Variants in PKN2 observed in about 807,000 individuals in gnomAD.
The protein encoded by PKN2 is protein kinase N2.
In PKN2, 38 loss-of-function variants were observed where a neutral mutation model predicts 119.1. That is an observed-to-expected ratio of 0.32 (90% confidence interval 0.25 to 0.42). The LOEUF (loss-of-function observed/expected upper bound fraction) is 0.42. Among genes scored for constraint, PKN2 ranks in the 10% least tolerant of loss-of-function variants. The pLI is 1.00. For synonymous variants in PKN2, 390 were observed against 384.9 expected (o/e 1.01, Z -0.15); for missense variants, 850 against 1,165.1 (o/e 0.73, Z 3.94).
In PKN2 at chr1:88,833,411, T is replaced by C. The variant is rs1433113248; in HGVS notation, c.2918T>C (p.Met973Thr). 5 of 1,613,268 alleles carry C rather than the reference T, an allele frequency of 3.1e-6. No homozygotes were observed. Among genetic ancestry groups the C allele is most frequent in the Middle Eastern group, 3.3e-4 (2 of 6,060 alleles). Reference sequence around the variant, plus strand: ...ATACTTTCGGAAGAGGAGCAGGAAATGTTCAGAGATTTTGACTACATTGCT... The same window carrying C: ...ATACTTTCGGAAGAGGAGCAGGAAACGTTCAGAGATTTTGACTACATTGCT... The part of the protein sequence containing the change: ...PRILSEEEQE[M>T]FRDFDYIADW... Residue 973 changes from methionine (M) to threonine (T), a missense_variant, in exon 22 of 22, where the codon ATG (methionine) becomes ACG (threonine). Physicochemically the swap from Met to Thr is moderately conservative, Grantham distance 81. Coordinates refer to ENST00000370521, the MANE Select transcript of PKN2 (RefSeq NM_006256.4).
At chr1:88,793,490 A>G (rs1177787046) in intron 8 of PKN2, among the ~76,000 whole-genome samples, 1 of 152,076 alleles carries the variant, frequency 6.6e-6, no homozygotes, top group African/African-American at 2.4e-5. Context: ...AGAATTGCCT[A>G]CTTTTTTTTC....
intron 2 of PKN2, among the ~76,000 whole-genome samples, chr1:88,757,201 G>T (rs1012892699): frequency 2.6e-5 from 4 of 152,148 alleles, no homozygotes; most frequent in African/African-American, 9.7e-5. Context: ...GATATGTAAA[G>T]TATGGATAAT....
chr1:88,684,407 T>C lies in PKN2; in HGVS notation c.-174T>C. On this transcript the variant is annotated 5_prime_UTR_variant, in exon 1 of 22. The change abolishes an upstream ATG in the 5' untranslated region. Transcript: ENST00000370521. ...TGCCCTAGCTCCCCGCCGCTCTCGA[T>C]GAACCGGACGGAATAAGCCGCGCCT... The C allele has an allele frequency of 1.8e-6, 1 of 552,912 alleles. No individual in the cohort carries two copies. Among genetic ancestry groups the C allele is most frequent in the South Asian group, 2.3e-5 (1 of 43,302 alleles). 34.3% of individuals were successfully genotyped at this position (552,912 alleles called of 1,614,324 possible). A position where few individuals can be genotyped will look rare whatever the true frequency, so the allele number is the denominator to read the frequency against.
rs1672819487 is a variant in PKN2 at position 88,833,567 on chromosome 1, T to C, written c.*119T>C. The C allele has an allele frequency of 1.4e-6, 1 of 707,258 alleles. No homozygotes were observed. The highest frequency in any genetic ancestry group is 1.8e-5 in the African/African-American group (1 of 56,230). The allele number at this position is 707,258 out of a possible 1,614,324, so 43.8% of individuals were successfully genotyped here. On this transcript the variant is annotated 3_prime_UTR_variant, in exon 22 of 22. Transcript: ENST00000370521. ...AGTTTTTTGTTGTTGTTGTTTTTAT[T>C]GAAACACGTGAAGATTTGTTTAAAA... is the stretch of plus-strand genomic sequence containing the variant.
intron 3 of PKN2, among the ~76,000 whole-genome samples, chr1:88,763,216 A>G (rs191573476): frequency 1.5e-4 from 23 of 152,368 alleles, no homozygotes; most frequent in African/African-American, 5.5e-4. Flanking sequence ...CACAGAATTA[A>G]GCAGTTGTGA....
chr1:88,713,990 T>A (rs1402811598), intron 1 of PKN2, among the ~76,000 whole-genome samples: 1 of 152,230 alleles, frequency 6.6e-6, no homozygotes, highest in East Asian at 1.9e-4. Flanking sequence ...AGTTTCAGCT[T>A]TCTACATATG....
intron 6 of PKN2, among the ~76,000 whole-genome samples, chr1:88,779,438 A>G (rs1043406483): frequency 2.6e-5 from 4 of 151,522 alleles, no homozygotes; most frequent in African/African-American, 4.9e-5. Context: ...CAATTTCACA[A>G]GGCCAGATTT....
At chr1:88,726,623 G>C (rs1667909247) in intron 1 of PKN2, among the ~76,000 whole-genome samples, 1 of 152,104 alleles carries the variant, frequency 6.6e-6, no homozygotes, top group Non-Finnish European at 1.5e-5. Flanking sequence ...AGAGAAATTA[G>C]TTTTTGTGTG....
intron 2 of PKN2, among the ~76,000 whole-genome samples, chr1:88,744,115 G>A (rs934121574): frequency 5.3e-5 from 8 of 151,878 alleles, no homozygotes; most frequent in African/African-American, 1.9e-4. Flanking sequence ...ACAACATAGA[G>A]GATTAAAATT....
At chr1:88,827,781 A>G (rs886186379) in intron 18 of PKN2, among the ~76,000 whole-genome samples, 2 of 151,790 alleles carry the variant, frequency 1.3e-5, no homozygotes, top group African/African-American at 2.4e-5. Flanking sequence ...GTGCAATGAC[A>G]CAATCTCAGC....
intron 6 of PKN2, among the ~76,000 whole-genome samples, 156 bp from the exon 7 acceptor site, chr1:88,784,483 A>C (rs1557609162): frequency 2.0e-5 from 3 of 152,082 alleles, no homozygotes. Context: ...CTCTAATTAA[A>C]ATAGGAAAGA....
chr1:88,786,480 T>C (rs1037081974), intron 8 of PKN2, among the ~76,000 whole-genome samples: 6 of 152,352 alleles, frequency 3.9e-5, no homozygotes, highest in African/African-American at 1.2e-4. Context: ...AGGTGTAATA[T>C]TGAAGCATAT....
At chr1:88,832,989 A>G in intron 20 of PKN2, 88 bp from the exon 21 acceptor site, 2 of 1,337,850 alleles carry the variant, frequency 1.5e-6, no homozygotes, top group Non-Finnish European at 2.1e-6. Context: ...AAGACAAAAT[A>G]TATCTAAGTT....
At chr1:88,779,239 C>CG (rs1435431401) in intron 6 of PKN2, among the ~76,000 whole-genome samples, 2 of 152,118 alleles carry the variant, frequency 1.3e-5, no homozygotes, top group Non-Finnish European at 2.9e-5. Context: ...CAGAGCTCTC[C>CG]GGAGTGTCCC....
chr1:88,688,275 C>T (rs535661201), intron 1 of PKN2, among the ~76,000 whole-genome samples: 47 of 152,002 alleles, frequency 3.1e-4, no homozygotes, highest in South Asian at 2.1e-4. Context: ...TTAGTAGAGA[C>T]GGGGTTTCAT....
intron 1 of PKN2, among the ~76,000 whole-genome samples, chr1:88,734,152 C>A (rs1240361433): frequency 6.8e-6 from 1 of 148,116 alleles, no homozygotes; most frequent in Non-Finnish European, 1.5e-5. Flanking sequence ...GAGTGAGACC[C>A]TATCTTTAAA....
Position 88,771,432 on chromosome 1 carries a change from A to T in PKN2, c.634A>T (p.Ile212Leu). The change falls in exon 5 of 22, where the codon ATA (isoleucine) becomes TTA (leucine). Residue 212 changes from isoleucine (I) to leucine (L), a missense_variant. This residue lies in a region of PKN2 where 350 missense variants were observed against 511.1 expected (regional missense o/e 0.68). Transcript: ENST00000370521. ...ELAFDNAKPVISPLELRMEEL... is the reference protein window; with the variant it reads ...ELAFDNAKPVLSPLELRMEEL... ...TTTTTCCTTTCTAGCAAAACCTGTG[A>T]TAAGTCCTCTTGAACTTCGGATGGA... 1 of 1,594,118 alleles carries T rather than the reference A, an allele frequency of 6.3e-7. No homozygotes were observed.
rs755581766 is a variant in PKN2, at chr1:88,824,291, A to G, written c.2343-19A>G. The G allele has an allele frequency of 1.3e-5, 18 of 1,338,854 alleles. No homozygotes were observed. The highest frequency in any genetic ancestry group is 1.3e-5 in the South Asian group (1 of 77,588). 82.9% of individuals were successfully genotyped at this position (1,338,854 alleles called of 1,614,324 possible). A position where few individuals can be genotyped will look rare whatever the true frequency, so the allele number is the denominator to read the frequency against. On this transcript the variant is annotated intron_variant, in intron 17 of 21. Transcript: ENST00000370521. ...CTTTGATTTTTTTTTTTCATGCTGT[A>G]TCTTTTTATCCTGAACAGAGATTTG... is the stretch of plus-strand genomic sequence containing the variant.
intron 19 of PKN2, among the ~76,000 whole-genome samples, chr1:88,830,870 T>G (rs1451019286): frequency 1.3e-5 from 2 of 152,122 alleles, no homozygotes; most frequent in African/African-American, 2.4e-5. Flanking sequence ...CTTCATAATT[T>G]TATAGCATTA....
Sources: allele counts gnomAD v4.1 joint callset (sites outside exome capture counted in the v4.1 genomes callset), GRCh38; gene constraint gnomAD v4.1.1; regional missense constraint gnomAD v4.1.1; transcripts MANE v1.5; gene names NCBI Gene and HGNC (gene_info 2026-07-23, HGNC 2026-07-21).